Variants in SLC24A2 observed in about 807,000 individuals in gnomAD.
SLC24A2 encodes sodium/potassium/calcium exchanger 2.
A neutral mutation model predicts 62.0 loss-of-function variants in SLC24A2; 36 were observed. The observed-to-expected ratio is 0.58, with a 90% confidence interval of 0.44 to 0.77. SLC24A2 has a LOEUF of 0.77. Ranked by LOEUF, SLC24A2 falls within the 30% of genes least tolerant of loss-of-function variation. SLC24A2 has a pLI of 0.00. For missense variants in SLC24A2, 846 were observed against 817.9 expected (o/e 1.03, Z -0.42); for synonymous variants, 358 against 294.0 (o/e 1.22, Z -2.23).
At chr9:20,028,484 G>A in the SLC24A2 span, among the ~76,000 whole-genome samples, 137 of 152,230 alleles carry the variant, frequency 9.0e-4, no homozygotes, top group African/African-American at 3.2e-3. Flanking sequence ...ATGGGGGCAG[G>A]AAAGTGCCCA....
the SLC24A2 span, among the ~76,000 whole-genome samples, chr9:20,009,866 A>T: frequency 6.6e-6 from 1 of 152,104 alleles, no homozygotes; most frequent in Non-Finnish European, 1.5e-5. Flanking sequence ...CCATACCCAC[A>T]CATATCTGTG....
chr9:19,617,169 A>C (rs2117869801), intron 4 of SLC24A2, among the ~76,000 whole-genome samples: 1 of 152,298 alleles, frequency 6.6e-6, no homozygotes, highest in Non-Finnish European at 1.5e-5. Flanking sequence ...ATCAGGCATT[A>C]AATTCGAATA....
chr9:19,517,408 T>C (rs1298597037), intron 10 of SLC24A2, among the ~76,000 whole-genome samples: 1 of 152,172 alleles, frequency 6.6e-6, no homozygotes, highest in Non-Finnish European at 1.5e-5. Context: ...GGTACTCTTT[T>C]GAAACATTAC....
chr9:19,580,681 A>G (rs1234873872), intron 5 of SLC24A2, among the ~76,000 whole-genome samples: 1 of 152,198 alleles, frequency 6.6e-6, no homozygotes, highest in Non-Finnish European at 1.5e-5. Context: ...TGGAGGTTAA[A>G]TGGATGTGAT....
At chr9:19,640,580 C>T (rs547304508) in intron 2 of SLC24A2, among the ~76,000 whole-genome samples, 57 of 152,196 alleles carry the variant, frequency 3.7e-4, no homozygotes, top group African/African-American at 1.4e-3. Flanking sequence ...CCAAAAAACT[C>T]AGTATTATAG....
chr9:19,916,308 C>T, the SLC24A2 span, among the ~76,000 whole-genome samples: 1 of 152,016 alleles, frequency 6.6e-6, no homozygotes, highest in African/African-American at 2.4e-5. Context: ...ATTACTACAG[C>T]TTTGTAGGAA....
chr9:20,228,861 G>A, the SLC24A2 span, among the ~76,000 whole-genome samples: 62 of 152,238 alleles, frequency 4.1e-4, no homozygotes, highest in East Asian at 0.011. Flanking sequence ...CTGTAGAAGG[G>A]GCACAGACAC....
At chr9:20,146,657 C>T in the SLC24A2 span, among the ~76,000 whole-genome samples, 181 of 152,030 alleles carry the variant, frequency 1.2e-3, no homozygotes, top group Non-Finnish European at 1.9e-3. Context: ...TTTAAACCTA[C>T]AGGATAGCCA....
the SLC24A2 span, among the ~76,000 whole-genome samples, chr9:19,901,193 C>G: frequency 6.6e-6 from 1 of 152,136 alleles, no homozygotes; most frequent in African/African-American, 2.4e-5. Flanking sequence ...GTGGCAAATA[C>G]TCATGATTCA....
At chr9:19,962,495 G>T in the SLC24A2 span, among the ~76,000 whole-genome samples, 1 of 152,182 alleles carries the variant, frequency 6.6e-6, no homozygotes, top group Non-Finnish European at 1.5e-5. Context: ...CTACCCATGA[G>T]CATGGAATGT....
intron 7 of SLC24A2, among the ~76,000 whole-genome samples, chr9:19,558,528 G>A (rs529622947): frequency 1.3e-5 from 2 of 152,294 alleles, no homozygotes; most frequent in Non-Finnish European, 2.9e-5. Context: ...TCCCATAACT[G>A]TGGATAATCT....
chr9:20,098,145 G>A, the SLC24A2 span, among the ~76,000 whole-genome samples: 1 of 152,126 alleles, frequency 6.6e-6, no homozygotes, highest in Non-Finnish European at 1.5e-5. Flanking sequence ...AGGTTACTTA[G>A]CTATCAGGTT....
intron 2 of SLC24A2, among the ~76,000 whole-genome samples, chr9:19,732,323 G>C (rs1482769776): frequency 2.0e-5 from 3 of 152,130 alleles, no homozygotes; most frequent in African/African-American, 7.2e-5. Flanking sequence ...AGCTTTCAGA[G>C]AAAACTCTGA....
intron 2 of SLC24A2, among the ~76,000 whole-genome samples, chr9:19,747,858 A>G (rs1406407512): frequency 6.6e-6 from 1 of 152,148 alleles, no homozygotes; most frequent in Non-Finnish European, 1.5e-5. Context: ...TCACCCACAC[A>G]TATCAGTGAG....
At chr9:19,524,785 C>G (rs1417289651) in intron 9 of SLC24A2, among the ~76,000 whole-genome samples, 1 of 151,926 alleles carries the variant, frequency 6.6e-6, no homozygotes, top group African/African-American at 2.4e-5. Context: ...AATTTGTGTT[C>G]CTTTTCTTTG....
chr9:19,979,508 T>C, the SLC24A2 span, among the ~76,000 whole-genome samples: 1 of 152,206 alleles, frequency 6.6e-6, no homozygotes. Flanking sequence ...GGGCAGGTAC[T>C]GTACACATAT....
At chr9:19,678,789 G>A (rs1361651915) in intron 2 of SLC24A2, among the ~76,000 whole-genome samples, 1 of 152,208 alleles carries the variant, frequency 6.6e-6, no homozygotes. Context: ...GCCTATCTGA[G>A]AGACAATAAT....
chr9:19,778,479 C>T (rs1236993314), intron 2 of SLC24A2, among the ~76,000 whole-genome samples: 1 of 152,058 alleles, frequency 6.6e-6, no homozygotes, highest in East Asian at 1.9e-4. Flanking sequence ...AAATCTGCCT[C>T]GCAAAGGGAG....
chr9:20,153,220 C>T, the SLC24A2 span, among the ~76,000 whole-genome samples: 3 of 151,936 alleles, frequency 2.0e-5, no homozygotes, highest in East Asian at 5.8e-4. Flanking sequence ...TGGTTTGAAG[C>T]TATTGACCAG....
Sources: allele counts gnomAD v4.1 joint callset (sites outside exome capture counted in the v4.1 genomes callset), GRCh38; gene constraint gnomAD v4.1.1; transcripts MANE v1.5; gene names NCBI Gene and HGNC (gene_info 2026-07-23, HGNC 2026-07-21).